The following CACNA2D3 variants were observed in gnomAD, a reference collection of about 807,000 sequenced individuals.
The protein encoded by CACNA2D3 is voltage-dependent calcium channel subunit alpha-2/delta-3.
A neutral mutation model predicts 160.6 loss-of-function variants in CACNA2D3; 60 were observed. The ratio of observed to expected loss-of-function variants is 0.37; its 90% CI spans 0.30 to 0.46. CACNA2D3 has a LOEUF of 0.46. Ranked by LOEUF, CACNA2D3 falls within the 20% of genes least tolerant of loss-of-function variation. CACNA2D3 has a pLI of 1.00. For missense variants in CACNA2D3, 1,205 were observed against 1,365.0 expected, an observed-to-expected ratio of 0.88 and a Z score of 1.85; for synonymous variants, 558 against 492.9, an observed-to-expected ratio of 1.13 and a Z score of -1.75.
intron 27 of CACNA2D3, chr3:54,918,429 A>G (rs1700726362): frequency 6.3e-7 from 1 of 1,590,668 alleles, no homozygotes; most frequent in Non-Finnish European, 8.6e-7. Context: ...TCTGGCCTGC[A>G]ATGACCAATC....
At chr3:54,812,585 G>T (rs1465984250) in intron 13 of CACNA2D3, among the ~76,000 whole-genome samples, 1 of 152,188 alleles carries the variant, frequency 6.6e-6, no homozygotes, top group Non-Finnish European at 1.5e-5. Context: ...CCTCCATCCA[G>T]ACTCTTCCAT....
At chr3:54,588,623 A>G (rs934931415) in intron 9 of CACNA2D3, among the ~76,000 whole-genome samples, 3 of 152,164 alleles carry the variant, frequency 2.0e-5, no homozygotes, top group African/African-American at 4.8e-5. Context: ...TACAAGATCA[A>G]CACAAAAACC....
intron 11 of CACNA2D3, among the ~76,000 whole-genome samples, chr3:54,726,525 C>T (rs940979657): frequency 2.6e-5 from 4 of 152,166 alleles, no homozygotes; most frequent in Non-Finnish European, 5.9e-5. Flanking sequence ...TACAAGACTA[C>T]AGTAACCAAA....
intron 2 of CACNA2D3, among the ~76,000 whole-genome samples, chr3:54,242,678 G>A (rs1575338772): frequency 6.6e-6 from 1 of 152,172 alleles, no homozygotes; most frequent in Non-Finnish European, 1.5e-5. Flanking sequence ...GACGATTCAG[G>A]TCCTGGGTGG....
chr3:54,391,422 T>C (rs1699277867), intron 4 of CACNA2D3, among the ~76,000 whole-genome samples: 1 of 152,128 alleles, frequency 6.6e-6, no homozygotes, highest in African/African-American at 2.4e-5. Flanking sequence ...AAGGATAGCA[T>C]GTGTGAACAA....
intron 2 of CACNA2D3, among the ~76,000 whole-genome samples, chr3:54,287,254 CA>C (rs560079681): frequency 2.9e-4 from 44 of 151,716 alleles, no homozygotes; most frequent in Middle Eastern, 3.4e-3. Flanking sequence ...AAATGGAAAA[CA>C]AAAAAAGGCA....
chr3:54,392,885 AG>A (rs1430300047), intron 4 of CACNA2D3, among the ~76,000 whole-genome samples: 1 of 152,214 alleles, frequency 6.6e-6, no homozygotes, highest in Non-Finnish European at 1.5e-5. Context: ...AAGCCTTTCT[AG>A]GAAAAAGGAT....
intron 5 of CACNA2D3, among the ~76,000 whole-genome samples, chr3:54,506,603 A>C (rs555192786): frequency 4.6e-5 from 7 of 152,124 alleles, no homozygotes; most frequent in Non-Finnish European, 1.0e-4. Flanking sequence ...CTGCAGCTTC[A>C]AAGTTGGTGA....
chr3:54,817,814 G>A (rs1010699945), intron 14 of CACNA2D3, among the ~76,000 whole-genome samples: 2 of 152,202 alleles, frequency 1.3e-5, no homozygotes, highest in Non-Finnish European at 1.5e-5. Flanking sequence ...TATATTTGAG[G>A]TATTTAAACA....
chr3:54,505,746 A>G (rs1056120988), intron 5 of CACNA2D3, among the ~76,000 whole-genome samples: 3 of 152,234 alleles, frequency 2.0e-5, no homozygotes, highest in African/African-American at 7.2e-5. Flanking sequence ...AGCTGCTTCA[A>G]GGTTTCTTGA....
At chr3:54,464,420 G>C (rs552138816) in intron 4 of CACNA2D3, among the ~76,000 whole-genome samples, 6 of 152,224 alleles carry the variant, frequency 3.9e-5, no homozygotes, top group South Asian at 2.1e-4. Context: ...GCTGTGGTGG[G>C]CTCCACCCAG....
At chr3:54,184,123 T>C (rs1700836188) in intron 2 of CACNA2D3, among the ~76,000 whole-genome samples, 1 of 151,986 alleles carries the variant, frequency 6.6e-6, no homozygotes, top group Non-Finnish European at 1.5e-5. Context: ...TTCTATCTCT[T>C]TGAGTGCAGG....
chr3:54,683,790 G>A (rs893598649), intron 11 of CACNA2D3, among the ~76,000 whole-genome samples: 4 of 152,038 alleles, frequency 2.6e-5, no homozygotes, highest in Admixed American at 2.6e-4. Flanking sequence ...TGTTGTCAGG[G>A]CCGTGGTCTC....
chr3:54,664,779 G>C (rs1268062403), intron 11 of CACNA2D3, among the ~76,000 whole-genome samples: 25 of 152,312 alleles, frequency 1.6e-4, no homozygotes, highest in Non-Finnish European at 4.4e-5. Context: ...GCTTTCTCTA[G>C]GAAGTAAGCA....
At chr3:54,686,058 T>C (rs766594706) in intron 11 of CACNA2D3, among the ~76,000 whole-genome samples, 15 of 152,236 alleles carry the variant, frequency 9.9e-5, no homozygotes, top group Non-Finnish European at 2.2e-4. Context: ...TCGATTCTCA[T>C]AGCAGGACTG....
intron 4 of CACNA2D3, among the ~76,000 whole-genome samples, chr3:54,473,672 T>G (rs958108453): frequency 3.9e-5 from 6 of 151,982 alleles, no homozygotes; most frequent in African/African-American, 7.3e-5. Context: ...ACAAGGAACA[T>G]AAACAAATTT....
chr3:54,399,533 AACAG>A (rs1260298393), intron 4 of CACNA2D3, among the ~76,000 whole-genome samples: 1 of 18,926 alleles, frequency 5.3e-5, no homozygotes, highest in Non-Finnish European at 1.1e-4. Flanking sequence ...TTTTCCTTCT[AACAG>A]ACAGGACCCT....
At chr3:54,600,896 G>A (rs1250934192) in intron 9 of CACNA2D3, among the ~76,000 whole-genome samples, 5 of 151,966 alleles carry the variant, frequency 3.3e-5, no homozygotes, top group Admixed American at 1.3e-4. Flanking sequence ...ACTTGATCTC[G>A]TTGCCCAGAC....
chr3:54,974,767 G>A (rs1459952866), intron 29 of CACNA2D3, among the ~76,000 whole-genome samples: 10 of 152,180 alleles, frequency 6.6e-5, no homozygotes, highest in Admixed American at 6.5e-5. Context: ...AGGTAGTTGT[G>A]GAGTAGGTGC....
Sources: allele counts gnomAD v4.1 joint callset (sites outside exome capture counted in the v4.1 genomes callset), GRCh38; gene constraint gnomAD v4.1.1; transcripts MANE v1.5; gene names NCBI Gene and HGNC (gene_info 2026-07-23, HGNC 2026-07-21).